TRIQK: variants seen among roughly 807,000 people sequenced by gnomAD.
TRIQK encodes triple QxxK/R motif containing, also known as triple QxxK/R motif-containing protein.
A neutral mutation model predicts 10.8 loss-of-function variants in TRIQK; 10 were observed. That is an observed-to-expected ratio of 0.92 (90% CI 0.57 to 1.57). TRIQK has a LOEUF of 1.57. TRIQK is among the 40% of genes most tolerant of loss of function. TRIQK has a pLI of 0.00. For synonymous variants in TRIQK, 33 were observed against 33.7 expected (o/e 0.98, Z 0.07); for missense variants, 107 against 97.7 (o/e 1.09, Z -0.40).
chr8:92,931,879 G>A lies in TRIQK; in HGVS notation c.-21-14869C>T, dbSNP rs543743028. Among the ~76,000 whole-genome samples the A allele has an allele frequency of 1.7e-4, 26 of 152,164 alleles. No individual in the cohort carries two copies. In the South Asian group the frequency reaches 2.7e-3, roughly 16 times the overall value. ...AGTTTTATCACCCATAAGGTGTTGC[G>A]GTACCAGGAAAGAATGGCAAGTCTT... On this transcript the variant is annotated intron_variant, in intron 2 of 4. Coordinates refer to ENST00000521988, the MANE Select transcript of TRIQK (RefSeq NM_001171797.2).
chr8:92,924,353 G>T (rs977866232), intron 2 of TRIQK, among the ~76,000 whole-genome samples: 7 of 151,896 alleles, frequency 4.6e-5, no homozygotes, highest in Non-Finnish European at 1.0e-4. Flanking sequence ...TTAATATTAA[G>T]AACTATTAAT....
intron 1 of TRIQK, among the ~76,000 whole-genome samples, chr8:92,971,778 A>T (rs1348621462): frequency 6.6e-6 from 1 of 152,232 alleles, no homozygotes; most frequent in African/African-American, 2.4e-5. Context: ...GACAGTCTTC[A>T]CAGAATTAGA....
intron 1 of TRIQK, among the ~76,000 whole-genome samples, chr8:92,976,809 T>C (rs975837350): frequency 2.8e-4 from 42 of 152,152 alleles, no homozygotes; most frequent in African/African-American, 1.0e-3. Flanking sequence ...TAATGGTTTT[T>C]TTGTGGCTTA....
At chr8:92,924,217 A>G (rs1418767146) in intron 2 of TRIQK, among the ~76,000 whole-genome samples, 2 of 151,926 alleles carry the variant, frequency 1.3e-5, no homozygotes, top group East Asian at 1.9e-4. Context: ...AACACAGAAG[A>G]TATTTGTCCC....
At chr8:92,949,717 G>A (rs1811751195) in intron 2 of TRIQK, among the ~76,000 whole-genome samples, 1 of 93,224 alleles carries the variant, frequency 1.1e-5, no homozygotes, top group Non-Finnish European at 2.0e-5. Flanking sequence ...GGAAGGGAGG[G>A]AGGGAGGGAG....
Position 92,883,729 on chromosome 8 carries a change from G to A in TRIQK, c.*2893C>T, listed in dbSNP as rs1383714786. The stretch of plus-strand genomic sequence containing the variant: ...AAGAACATACTCTCAAGATCTTACA[G>A]TCATTGGTTGGGGTGAAAGTATTTC... On this transcript the variant is annotated 3_prime_UTR_variant, in exon 5 of 5. Transcript: ENST00000521988. 2 of 151,718 alleles carry A rather than the reference G, an allele frequency of 1.3e-5. No individual in the cohort carries two copies. The highest frequency in any genetic ancestry group is 4.8e-5 in the African/African-American group (2 of 41,380). The allele number at this position is 151,718 out of a possible 1,614,324, so 9.4% of individuals were successfully genotyped here.
intron 3 of TRIQK, among the ~76,000 whole-genome samples, chr8:92,894,350 AT>A (rs1261296703): frequency 6.6e-6 from 1 of 152,120 alleles, no homozygotes; most frequent in African/African-American, 2.4e-5. Flanking sequence ...GGTTTTCAAC[AT>A]TTAAATATTT....
intron 2 of TRIQK, among the ~76,000 whole-genome samples, chr8:92,925,096 A>C (rs1810378188): frequency 6.6e-6 from 1 of 152,182 alleles, no homozygotes; most frequent in African/African-American, 2.4e-5. Flanking sequence ...TCCAGAAAAG[A>C]AATCTTAGTC....
intron 2 of TRIQK, among the ~76,000 whole-genome samples, chr8:92,927,693 T>C (rs371790509): frequency 2.0e-5 from 3 of 152,164 alleles, no homozygotes; most frequent in South Asian, 2.1e-4. Context: ...GTACCCAGGA[T>C]AGTAGCAGGA....
chr8:92,993,369 C>T (rs1185204459), intron 1 of TRIQK, among the ~76,000 whole-genome samples: 1 of 152,038 alleles, frequency 6.6e-6, no homozygotes, highest in Non-Finnish European at 1.5e-5. Flanking sequence ...ATTTCTTCTC[C>T]AAAGAAAAAG....
chr8:93,014,705 T>C (rs896303457), intron 1 of TRIQK, among the ~76,000 whole-genome samples: 4 of 151,816 alleles, frequency 2.6e-5, no homozygotes, highest in Non-Finnish European at 5.9e-5. Flanking sequence ...TAATACAGAG[T>C]AGTGTGGGAG....
upstream of TRIQK, among the ~76,000 whole-genome samples, chr8:92,969,346 C>T (rs542227262): frequency 6.6e-6 from 1 of 152,122 alleles, no homozygotes; most frequent in South Asian, 2.1e-4. Flanking sequence ...TAATATCTTA[C>T]AGTTATTGAC....
At chr8:92,935,413 T>G (rs1200594688) in intron 2 of TRIQK, among the ~76,000 whole-genome samples, 4 of 151,714 alleles carry the variant, frequency 2.6e-5, no homozygotes, top group African/African-American at 4.8e-5. Context: ...CGTCTACATA[T>G]TCTGTTTTGT....
chr8:92,918,904 T>G (rs1810015814), intron 2 of TRIQK, among the ~76,000 whole-genome samples: 1 of 151,928 alleles, frequency 6.6e-6, no homozygotes, highest in African/African-American at 2.4e-5. Context: ...TTGTATATGA[T>G]GAAAGATAGA....
intron 2 of TRIQK, among the ~76,000 whole-genome samples, chr8:92,938,602 C>G (rs1315281234): frequency 6.6e-6 from 1 of 151,478 alleles, no homozygotes; most frequent in African/African-American, 2.4e-5. Flanking sequence ...TTCCCCTGCC[C>G]CTGCCACTAT....
In TRIQK at chr8:92,885,325, T is replaced by C. The variant is rs1039927230; in HGVS notation, c.*1297A>G. On this transcript the variant is annotated 3_prime_UTR_variant, in exon 5 of 5. Coordinates refer to ENST00000521988, the MANE Select transcript of TRIQK (RefSeq NM_001171797.2). ...CCTTAGATATTTCCCAAGGATTTCT[T>C]CTCTTGGCTAGCAGGAAAACAATCT... The C allele has an allele frequency of 3.1e-5, 6 of 196,170 alleles. No homozygotes were observed. The highest frequency in any genetic ancestry group is 1.6e-4 in the Admixed American group (3 of 18,828). 12.2% of individuals were successfully genotyped at this position (196,170 alleles called of 1,614,324 possible).
At chr8:92,893,535 G>A (rs2130280733) in intron 3 of TRIQK, among the ~76,000 whole-genome samples, 1 of 151,968 alleles carries the variant, frequency 6.6e-6, no homozygotes, top group East Asian at 1.9e-4. Flanking sequence ...ATAATGGAAT[G>A]AACAAAATAC....
intron 2 of TRIQK, among the ~76,000 whole-genome samples, chr8:92,950,894 C>T (rs1563656402): frequency 6.6e-6 from 1 of 152,038 alleles, no homozygotes; most frequent in Non-Finnish European, 1.5e-5. Context: ...ACAGGTCTCC[C>T]TCCATAGCCA....
At chr8:93,016,154 T>C (rs150038673) in intron 1 of TRIQK, among the ~76,000 whole-genome samples, 102 of 152,280 alleles carry the variant, frequency 6.7e-4, no homozygotes, top group African/African-American at 2.3e-3. Flanking sequence ...TTACTCAGAG[T>C]ATAAAATATA....
Sources: gnomAD v4.1 joint callset for allele counts (sites outside exome capture counted in the v4.1 genomes callset) on GRCh38, gnomAD v4.1.1 for gene constraint, MANE v1.5 for transcripts, NCBI Gene and HGNC (gene_info 2026-07-23, HGNC 2026-07-21) for gene names.